Variants in ANXA11 observed in about 807,000 individuals in gnomAD.
The protein encoded by ANXA11 is 56 kDa autoantigen.
ANXA11 carries 57 observed loss-of-function variants against 64.7 expected under a neutral mutation model. The ratio of observed to expected loss-of-function variants is 0.88; its 90% confidence interval spans 0.71 to 1.10. ANXA11 has a LOEUF of 1.10. ANXA11 is among the 50% of genes least tolerant of loss of function. The pLI is 0.00. For missense variants in ANXA11, 675 were observed against 670.7 expected, an observed-to-expected ratio of 1.01 and a Z score of -0.07; for synonymous variants, 260 against 265.2, an observed-to-expected ratio of 0.98 and a Z score of 0.19.
At chr10:80,166,803 G>A in intron 7 of ANXA11, 87 bp downstream of exon 7, 1 of 1,036,176 alleles carries the variant, frequency 9.7e-7, no homozygotes, top group Non-Finnish European at 1.4e-6. Context: ...GGAGATCCGG[G>A]CCCACCCAAG....
At chr10:80,202,429 G>T (rs1406419907) in intron 1 of ANXA11, among the ~76,000 whole-genome samples, 1 of 152,122 alleles carries the variant, frequency 6.6e-6, no homozygotes, top group Non-Finnish European at 1.5e-5. Context: ...AGGAGATAGG[G>T]TCAGTAAGCC....
Position 80,169,026 on chromosome 10 carries a change from C to T in ANXA11, c.504G>A (p.Pro168=), listed in dbSNP as rs775743656. The change falls in exon 5 of 16, where the codon CCG becomes CCA. Residue 168 remains proline, a synonymous_variant. Transcript: ENST00000422982. ...CAGACCCCGGGTATCCTGGGTAGCT[C>T]GGCACTGGCTGCTGCTGCCCAGGGA... ...VPLPGQQQPV[P]SYPGYPGSGT... is the part of the protein sequence containing the mutation. 76 of 1,547,088 alleles carry T rather than the reference C, an allele frequency of 4.9e-5. No individual in the cohort carries two copies. Among genetic ancestry groups the T allele is most frequent in the Non-Finnish European group, 5.6e-5 (64 of 1,152,536 alleles).
intron 1 of ANXA11, among the ~76,000 whole-genome samples, chr10:80,199,332 C>G (rs928816850): frequency 6.6e-6 from 1 of 152,040 alleles, no homozygotes; most frequent in Non-Finnish European, 1.5e-5. Flanking sequence ...CTCCTGACCT[C>G]GTGATCTGCC....
At chr10:80,155,964 A>G (rs748998938) in intron 15 of ANXA11, 52 bp from the exon 16 acceptor site, 2 of 1,572,818 alleles carry the variant, frequency 1.3e-6, no homozygotes, top group Non-Finnish European at 1.8e-6. Context: ...AGTCACTTTC[A>G]GCCTTCTGGG....
intron 1 of ANXA11, among the ~76,000 whole-genome samples, chr10:80,188,817 G>A (rs929335195): frequency 2.6e-5 from 4 of 152,116 alleles, no homozygotes; most frequent in South Asian, 2.1e-4. Context: ...CTGACATTTC[G>A]AGAGGGAGAA....
chr10:80,163,206 G>A, intron 11 of ANXA11, 143 bp downstream of exon 11: 1 of 882,308 alleles, frequency 1.1e-6, no homozygotes, highest in South Asian at 1.5e-5. Flanking sequence ...CAGTTGAACA[G>A]TTCAGCGCGT....
At chr10:80,171,804 T>C (rs1564613239) in intron 3 of ANXA11, 1 of 985,528 alleles carries the variant, frequency 1.0e-6, no homozygotes. Context: ...TCAGCTGTGC[T>C]AGCAAAGGTG....
intron 1 of ANXA11, among the ~76,000 whole-genome samples, chr10:80,201,163 TCC>T (rs1840403008): frequency 6.6e-6 from 1 of 151,984 alleles, no homozygotes; most frequent in Admixed American, 6.6e-5. Flanking sequence ...GCTCACATCA[TCC>T]CACCAAAGCA....
At position 80,155,758 on chromosome 10, in the gene ANXA11, C is replaced by A; in HGVS notation, c.*95G>T. 8 of 1,206,792 alleles carry A rather than the reference C, an allele frequency of 6.6e-6. No homozygotes were observed. Among genetic ancestry groups the A allele is most frequent in the Non-Finnish European group, 9.8e-6 (8 of 815,460 alleles). 74.8% of individuals were successfully genotyped at this position (1,206,792 alleles called of 1,614,324 possible). ...AGCTCTAGGACGGTGAATCTCGGGG[C>A]TATTTGTGGATTTGTTAGAAACAGA... On this transcript the variant is annotated 3_prime_UTR_variant, in exon 16 of 16. Coordinates refer to ENST00000422982, the MANE Select transcript of ANXA11 (RefSeq NM_145868.2).
At position 80,163,367 on chromosome 10, in the gene ANXA11, G is replaced by T. The variant is rs541062920; in HGVS notation, c.1068C>A (p.Leu356=). 2 of 1,613,584 alleles carry T rather than the reference G, an allele frequency of 1.2e-6. No individual in the cohort carries two copies. Among genetic ancestry groups the T allele is most frequent in the South Asian group, 2.2e-5 (2 of 91,052 alleles). Reference sequence around the variant, plus strand: ...CACTCACCTGGGCATCTCTCTGGGCGAGTGACATGTCCACGTTTGTGCTTT... The same window carrying T: ...CACTCACCTGGGCATCTCTCTGGGCTAGTGACATGTCCACGTTTGTGCTTT... ...RDESTNVDMS[L]AQRDAQELYA... The change falls in exon 11 of 16, where the codon CTC becomes CTA. Residue 356 remains leucine, a synonymous_variant. Transcript: ENST00000422982.
chr10:80,185,819 A>C (rs1015578046), intron 1 of ANXA11, among the ~76,000 whole-genome samples: 1 of 152,170 alleles, frequency 6.6e-6, no homozygotes, highest in South Asian at 2.1e-4. Context: ...TTACCACTAC[A>C]CTATACTTCC....
At chr10:80,194,651 C>T (rs1294528927) in intron 1 of ANXA11, among the ~76,000 whole-genome samples, 1 of 152,180 alleles carries the variant, frequency 6.6e-6, no homozygotes, top group Non-Finnish European at 1.5e-5. Flanking sequence ...TCTACCTCAC[C>T]TATTTTCAAT....
intron 1 of ANXA11, among the ~76,000 whole-genome samples, chr10:80,191,610 C>T (rs2573370): frequency 0.63 from 95,995 of 151,870 alleles, 31,384 homozygotes; most frequent in African/African-American, 0.8. Context: ...CCCTTTCCAA[C>T]GGCACAAGGA....
Position 80,172,607 on chromosome 10 carries a change from C to T in ANXA11, c.55+200G>A, listed in dbSNP as rs77288182. Among the ~76,000 whole-genome samples the T allele has an allele frequency of 3.2e-3, 484 of 152,254 alleles. 6 individuals carry two copies. Among genetic ancestry groups the T allele is most frequent in the East Asian group, 0.018 (92 of 5,168 alleles). On this transcript the variant is annotated intron_variant, in intron 3 of 15. Transcript: ENST00000422982. ...TCTGGAGGCAGTTTCAAACCTAGGC[C>T]TCCGATGGCCTTAGTGTCATGCTCT...
chr10:80,168,877 C>A (rs551340015), intron 5 of ANXA11, 92 bp downstream of exon 5: 10 of 1,343,678 alleles, frequency 7.4e-6, no homozygotes, highest in Admixed American at 3.5e-5. Flanking sequence ...TGGAGGCCTG[C>A]GCCTTTCCCT....
rs2132351955 is a variant in ANXA11 at position 80,155,826 on chromosome 10, G to T, written c.*27C>A. The T allele has an allele frequency of 1.9e-6, 3 of 1,610,258 alleles. No homozygotes were observed. Among genetic ancestry groups the T allele is most frequent in the Non-Finnish European group, 1.7e-6 (2 of 1,176,574 alleles). On this transcript the variant is annotated 3_prime_UTR_variant, in exon 16 of 16. Coordinates refer to ENST00000422982, the MANE Select transcript of ANXA11 (RefSeq NM_145868.2). ...CCTGGCACTGGTGTTGCCGGCAGGT[G>T]GGCAGAAGTGAGCCACCAGTCACTG...
At chr10:80,174,210 T>G (rs1846084315) in intron 2 of ANXA11, among the ~76,000 whole-genome samples, 1 of 152,128 alleles carries the variant, frequency 6.6e-6, no homozygotes, top group African/African-American at 2.4e-5. Context: ...ACAGCTAATT[T>G]TTTTTTTTGA....
chr10:80,174,770 C>T (rs1385625471), intron 2 of ANXA11, among the ~76,000 whole-genome samples: 2 of 152,192 alleles, frequency 1.3e-5, no homozygotes, highest in African/African-American at 4.8e-5. Flanking sequence ...GTTGGCCAGG[C>T]TGGTCTGAAC....
intron 12 of ANXA11, among the ~76,000 whole-genome samples, chr10:80,160,958 C>T (rs928824579): frequency 6.6e-6 from 1 of 152,128 alleles, no homozygotes; most frequent in African/African-American, 2.4e-5. Flanking sequence ...ATGGCCGGAA[C>T]CTGACACCTC....
Sources: gnomAD v4.1 joint callset for allele counts (sites outside exome capture counted in the v4.1 genomes callset) on GRCh38, gnomAD v4.1.1 for gene constraint, MANE v1.5 for transcripts, NCBI Gene and HGNC (gene_info 2026-07-23, HGNC 2026-07-21) for gene names.